Variants in KCNIP4 observed in about 807,000 individuals in gnomAD.
KCNIP4 encodes the protein Kv channel-interacting protein 4.
KCNIP4 carries 12 observed loss-of-function variants against 34.0 expected under a neutral mutation model. The observed-to-expected ratio is 0.35, with a 90% confidence interval of 0.23 to 0.57. The LOEUF is 0.57. Among genes scored for constraint, KCNIP4 ranks in the 20% least tolerant of loss-of-function variants. The pLI is 0.83. For synonymous variants in KCNIP4, 124 were observed against 102.2 expected, an observed-to-expected ratio of 1.21 and a Z score of -1.29; for missense variants, 238 against 311.7, an observed-to-expected ratio of 0.76 and a Z score of 1.78.
intron 1 of KCNIP4, among the ~76,000 whole-genome samples, chr4:21,529,213 T>C (rs1577536679): frequency 1.3e-5 from 2 of 152,202 alleles, no homozygotes; most frequent in South Asian, 2.1e-4. Context: ...ACCCCTACTA[T>C]AGACAAATGG....
intron 1 of KCNIP4, among the ~76,000 whole-genome samples, chr4:21,074,220 T>TG (rs1745256697): frequency 6.6e-6 from 1 of 152,194 alleles, no homozygotes; most frequent in Non-Finnish European, 1.5e-5. Context: ...TGGTATCAGC[T>TG]CCTCCTTGTA....
In KCNIP4 at chr4:20,738,170, A is replaced by C. The variant is rs12646294; in HGVS notation, c.430-3435T>G. Among the ~76,000 whole-genome samples the C allele has an allele frequency of 2.3e-3, 349 of 152,272 alleles. 8 individuals carry two copies. The South Asian group carries it at 0.046, about 20-fold the overall frequency. Reference sequence around the variant, plus strand: ...ATCCTTAGCTTTTTCAGAAGGCATAAAATATACATTGCAGAACATAGAGCC... The same window carrying C: ...ATCCTTAGCTTTTTCAGAAGGCATACAATATACATTGCAGAACATAGAGCC... On this transcript the variant is annotated intron_variant, in intron 5 of 8. Transcript: ENST00000382152.
intron 1 of KCNIP4, among the ~76,000 whole-genome samples, chr4:21,053,526 CA>C (rs1743118387): frequency 6.6e-6 from 1 of 151,994 alleles, no homozygotes; most frequent in South Asian, 2.1e-4. Context: ...AAAAACAAGA[CA>C]AAATAGGAAA....
chr4:21,715,090 T>TTTA lies in KCNIP4; in HGVS notation c.61+233478_61+233480dup, dbSNP rs1417841943. ...TTTTATTTTATTTTATTTTATTTTATTTATTTTTGAGATGGAGTCTGGCTG... is the reference window on the plus strand; with the variant it reads ...TTTTATTTTATTTTATTTTATTTTATTTATTATTTTTGAGATGGAGTCTGGCTG... On this transcript the variant is annotated intron_variant, in intron 1 of 8. Coordinates refer to ENST00000382152, the MANE Select transcript of KCNIP4 (RefSeq NM_025221.6). Among the ~76,000 whole-genome samples the TTTA allele has an allele frequency of 3.5e-4, 6 of 17,364 alleles. 2 individuals carry two copies. The highest frequency in any genetic ancestry group is 3.1e-3 in the African/African-American group (2 of 650). 11.4% of individuals were successfully genotyped at this position (17,364 alleles called of 152,430 possible).
chr4:21,114,822 A>C (rs1283670287), intron 1 of KCNIP4, among the ~76,000 whole-genome samples: 2 of 152,182 alleles, frequency 1.3e-5, no homozygotes, highest in African/African-American at 2.4e-5. Flanking sequence ...TTGCAGAGAC[A>C]TGACTTGAAC....
intron 1 of KCNIP4, among the ~76,000 whole-genome samples, chr4:21,017,926 A>G (rs1022201648): frequency 1.3e-5 from 2 of 152,044 alleles, no homozygotes; most frequent in Non-Finnish European, 2.9e-5. Context: ...TTTGATTTGC[A>G]TTTCTCCAAT....
At chr4:21,352,697 G>C (rs750029071) in intron 1 of KCNIP4, among the ~76,000 whole-genome samples, 2 of 152,244 alleles carry the variant, frequency 1.3e-5, no homozygotes, top group Non-Finnish European at 2.9e-5. Context: ...TCTGTGGACA[G>C]GGCATAGCTG....
At chr4:21,302,297 A>C (rs1427155334) in intron 1 of KCNIP4, among the ~76,000 whole-genome samples, 2 of 152,196 alleles carry the variant, frequency 1.3e-5, no homozygotes, top group African/African-American at 2.4e-5. Flanking sequence ...GTCATCACCA[A>C]ATCCAGATTC....
chr4:21,107,892 A>G (rs1443635681), intron 1 of KCNIP4, among the ~76,000 whole-genome samples: 4 of 151,252 alleles, frequency 2.6e-5, no homozygotes, highest in East Asian at 1.9e-4. Flanking sequence ...ATTCTGGGTT[A>G]AAAATTCTCT....
intron 1 of KCNIP4, among the ~76,000 whole-genome samples, chr4:21,398,065 T>C (rs1039501374): frequency 1.3e-5 from 2 of 152,208 alleles, no homozygotes; most frequent in Admixed American, 6.5e-5. Flanking sequence ...AAGTTCATTA[T>C]AGGTTTAGCT....
chr4:20,755,121 C>A (rs979648265), intron 4 of KCNIP4, among the ~76,000 whole-genome samples: 9 of 152,068 alleles, frequency 5.9e-5, no homozygotes, highest in Non-Finnish European at 1.2e-4. Flanking sequence ...AAGGGCCCTC[C>A]CCTCTGCACT....
chr4:21,422,352 A>C (rs1466765797), intron 1 of KCNIP4, among the ~76,000 whole-genome samples: 1 of 151,872 alleles, frequency 6.6e-6, no homozygotes, highest in Non-Finnish European at 1.5e-5. Context: ...AGGTGCCTGC[A>C]ACTATGCCTG....
intron 5 of KCNIP4, among the ~76,000 whole-genome samples, chr4:20,735,529 T>C (rs200697422): frequency 5.8e-4 from 51 of 87,190 alleles, no homozygotes; most frequent in Middle Eastern, 0.013. Context: ...TTTTTTTTTT[T>C]GTTTTTTTTT....
chr4:20,996,666 G>T (rs1206725723), intron 1 of KCNIP4, among the ~76,000 whole-genome samples: 1 of 152,106 alleles, frequency 6.6e-6, no homozygotes, highest in Non-Finnish European at 1.5e-5. Context: ...ACTATCAGAA[G>T]GATTCTGTGT....
intron 1 of KCNIP4, among the ~76,000 whole-genome samples, chr4:21,503,151 T>C (rs771386524): frequency 4.6e-5 from 7 of 152,150 alleles, no homozygotes; most frequent in Non-Finnish European, 7.4e-5. Flanking sequence ...TTACATTTGA[T>C]GGGGAATAAT....
At chr4:21,829,493 GA>G (rs1722853167) in intron 1 of KCNIP4, among the ~76,000 whole-genome samples, 2 of 150,704 alleles carry the variant, frequency 1.3e-5, no homozygotes, top group Non-Finnish European at 3.0e-5. Context: ...AAAAGTAGAG[GA>G]AAAAAATGGA....
chr4:21,034,621 GT>G (rs1741296660), intron 1 of KCNIP4, among the ~76,000 whole-genome samples: 1 of 152,128 alleles, frequency 6.6e-6, no homozygotes, highest in South Asian at 2.1e-4. Flanking sequence ...TCGAATGATG[GT>G]TGAAGTGATG....
intron 1 of KCNIP4, among the ~76,000 whole-genome samples, chr4:21,091,771 C>T (rs1747015409): frequency 1.3e-5 from 2 of 152,160 alleles, no homozygotes. Flanking sequence ...CAAGAGAACT[C>T]TGTGGAGTTC....
intron 1 of KCNIP4, among the ~76,000 whole-genome samples, chr4:20,915,141 C>T (rs183783346): frequency 2.9e-4 from 44 of 152,296 alleles, no homozygotes; most frequent in Admixed American, 9.8e-4. Context: ...TTTTTCAAAG[C>T]GCCAACAAAC....
Sources: gnomAD v4.1 joint callset for allele counts (sites outside exome capture counted in the v4.1 genomes callset) on GRCh38, gnomAD v4.1.1 for gene constraint, MANE v1.5 for transcripts, NCBI Gene and HGNC (gene_info 2026-07-23, HGNC 2026-07-21) for gene names.